Variants in DGLUCY observed in about 807,000 individuals in gnomAD.
DGLUCY encodes the protein D-glutamate cyclase, mitochondrial.
In DGLUCY, 58 loss-of-function variants were observed where a neutral mutation model predicts 58.5. The ratio of observed to expected loss-of-function variants is 0.99; its 90% CI spans 0.80 to 1.23. The LOEUF is 1.23. DGLUCY is among the 50% of genes most tolerant of loss of function. The pLI is 0.00. For synonymous variants in DGLUCY, 325 were observed against 314.1 expected, an observed-to-expected ratio of 1.03 and a Z score of -0.37; for missense variants, 779 against 784.7, an observed-to-expected ratio of 0.99 and a Z score of 0.09.
intron 1 of DGLUCY, among the ~76,000 whole-genome samples, chr14:91,068,529 G>A (rs568944378): frequency 5.3e-4 from 81 of 152,272 alleles, no homozygotes; most frequent in Non-Finnish European, 7.6e-4. Context: ...TTAGCCAGGC[G>A]TGGTGGGGCA....
At chr14:91,186,415 T>G (rs2049525735) in intron 8 of DGLUCY, among the ~76,000 whole-genome samples, 3 of 151,782 alleles carry the variant, frequency 2.0e-5, no homozygotes, top group African/African-American at 4.8e-5. Context: ...CCCGGCTAAT[T>G]TTTGTATTTT....
intron 1 of DGLUCY, among the ~76,000 whole-genome samples, chr14:91,151,520 A>G (rs1305349515): frequency 1.3e-5 from 2 of 152,176 alleles, no homozygotes; most frequent in Non-Finnish European, 2.9e-5. Flanking sequence ...TGCTGGGAGT[A>G]CAGGCGTGAG....
intron 1 of DGLUCY, among the ~76,000 whole-genome samples, chr14:91,150,171 AT>A (rs1332333908): frequency 7.6e-6 from 1 of 131,376 alleles, no homozygotes; most frequent in Non-Finnish European, 1.6e-5. Flanking sequence ...GTGAGTGGAG[AT>A]TGCGCCGCTG....
intron 7 of DGLUCY, among the ~76,000 whole-genome samples, chr14:91,179,759 A>G (rs2049055885): frequency 6.6e-6 from 1 of 152,070 alleles, no homozygotes; most frequent in Non-Finnish European, 1.5e-5. Context: ...TCCAAAAAAA[A>G]AAAAATATAT....
chr14:91,106,487 A>G (rs1027485071), upstream of DGLUCY, among the ~76,000 whole-genome samples: 2 of 151,984 alleles, frequency 1.3e-5, no homozygotes, highest in Admixed American at 6.6e-5. Flanking sequence ...CGGGCAGATC[A>G]TCTGAGGTCA....
chr14:91,077,874 G>GGGAA (rs200495361), intron 1 of DGLUCY, among the ~76,000 whole-genome samples: 8 of 148,078 alleles, frequency 5.4e-5, no homozygotes, highest in South Asian at 2.2e-4. Flanking sequence ...AAGGAAGGAA[G>GGGAA]GGAAGGAAGG....
chr14:91,069,059 A>G (rs891016166), intron 1 of DGLUCY, among the ~76,000 whole-genome samples: 1 of 152,218 alleles, frequency 6.6e-6, no homozygotes, highest in East Asian at 1.9e-4. Flanking sequence ...TATATTAAAT[A>G]ACCTAATGAA....
chr14:91,129,863 T>C (rs978808807), intron 1 of DGLUCY, among the ~76,000 whole-genome samples: 10 of 152,174 alleles, frequency 6.6e-5, no homozygotes, highest in Non-Finnish European at 1.5e-5. Context: ...GTCAGGCTAG[T>C]CTTGAACTCC....
intron 1 of DGLUCY, among the ~76,000 whole-genome samples, chr14:91,063,119 G>A (rs2043760269): frequency 6.6e-6 from 1 of 152,160 alleles, no homozygotes; most frequent in South Asian, 2.1e-4. Flanking sequence ...AGTTGGAGGA[G>A]CTGGAAGACC....
Position 91,196,485 on chromosome 14 carries a change from C to G in DGLUCY, c.1295+11C>G. On this transcript the variant is annotated intron_variant, in intron 10 of 13. Transcript: ENST00000256324. Reference sequence around the variant, plus strand: ...CCCGCAGACACCTAGGTACGTATGTCGCATCCCAGTTTAAGTGGCGGATGG... The same window carrying G: ...CCCGCAGACACCTAGGTACGTATGTGGCATCCCAGTTTAAGTGGCGGATGG... 6.2e-7 allele frequency: 1 copy of G among 1,609,718 alleles called. No homozygotes were observed. The highest frequency in any genetic ancestry group is 8.5e-7 in the Non-Finnish European group (1 of 1,176,322).
intron 7 of DGLUCY, among the ~76,000 whole-genome samples, chr14:91,178,273 C>G (rs908661931): frequency 6.6e-6 from 1 of 152,066 alleles, no homozygotes; most frequent in Non-Finnish European, 1.5e-5. Context: ...TCAAGCAATC[C>G]TCCCACCTGA....
At chr14:91,116,899 G>A (rs1450138020) in intron 1 of DGLUCY, among the ~76,000 whole-genome samples, 1 of 149,206 alleles carries the variant, frequency 6.7e-6, no homozygotes, top group Non-Finnish European at 1.5e-5. Context: ...AGCCGAAATC[G>A]CCCCACTGCA....
Position 91,222,046 on chromosome 14 carries a change from C to G in DGLUCY, c.1717-2638C>G, listed in dbSNP as rs540809394. Among the ~76,000 whole-genome samples the G allele has an allele frequency of 1.2e-3, 183 of 152,350 alleles. 1 individual carries two copies. The highest frequency in any genetic ancestry group is 4.3e-3 in the African/African-American group (179 of 41,570). On this transcript the variant is annotated intron_variant, in intron 13 of 13. Coordinates refer to ENST00000256324, the MANE Select transcript of DGLUCY (RefSeq NM_001102368.3). The stretch of plus-strand genomic sequence containing the variant: ...TGTCCCCATCCAAGCCCTGTCTACT[C>G]TCCCTCACTTGGGTCCTCCATTCCT...
chr14:91,083,846 C>A (rs2044168604), intron 1 of DGLUCY, among the ~76,000 whole-genome samples: 1 of 152,076 alleles, frequency 6.6e-6, no homozygotes, highest in Admixed American at 6.6e-5. Context: ...CTTTCATGGC[C>A]CCCAATCTAA....
intron 3 of DGLUCY, among the ~76,000 whole-genome samples, chr14:91,163,824 G>A (rs756446353): frequency 7.2e-5 from 11 of 152,304 alleles, no homozygotes; most frequent in Middle Eastern, 6.8e-3. Context: ...GGCATGGGGA[G>A]CCCGGCACAT....
chr14:91,220,617 G>T (rs1486768925), intron 13 of DGLUCY: 3 of 456,314 alleles, frequency 6.6e-6, no homozygotes, highest in East Asian at 1.4e-4. Context: ...TCCCCGTGTG[G>T]CTGGGAGGCA....
At chr14:91,083,606 C>T (rs2044164926) in intron 1 of DGLUCY, among the ~76,000 whole-genome samples, 1 of 151,858 alleles carries the variant, frequency 6.6e-6, no homozygotes, top group African/African-American at 2.4e-5. Flanking sequence ...TGTCAGCAAG[C>T]AAGAGAAGCA....
chr14:91,182,448 T>C lies in DGLUCY; in HGVS notation c.934+1059T>C, dbSNP rs148373210. Among the ~76,000 whole-genome samples the C allele has an allele frequency of 4.7e-3, 721 of 152,246 alleles. 7 individuals are homozygous for C. Among genetic ancestry groups the C allele is most frequent in the African/African-American group, 0.016 (679 of 41,548 alleles). ...AACTGCCACCATTAAAAAAAAGTTA[T>C]TTATGTAGTTTATTATTATTATTTA... On this transcript the variant is annotated intron_variant, in intron 8 of 13. Coordinates refer to ENST00000256324, the MANE Select transcript of DGLUCY (RefSeq NM_001102368.3).
intron 1 of DGLUCY, among the ~76,000 whole-genome samples, chr14:91,094,640 T>G (rs1249215161): frequency 6.6e-6 from 1 of 151,824 alleles, no homozygotes; most frequent in Non-Finnish European, 1.5e-5. Context: ...CTGGCCAACA[T>G]GGTGAAACCC....
Sources: gnomAD v4.1 joint callset for allele counts (sites outside exome capture counted in the v4.1 genomes callset) on GRCh38, gnomAD v4.1.1 for gene constraint, MANE v1.5 for transcripts, NCBI Gene and HGNC (gene_info 2026-07-23, HGNC 2026-07-21) for gene names.